Variants in ST3GAL1 observed in about 807,000 individuals in gnomAD.
ST3GAL1 encodes the protein ST3 beta-galactoside alpha-2,3-sialyltransferase 1.
In ST3GAL1, 16 loss-of-function variants were observed where a neutral mutation model predicts 34.1. The observed-to-expected ratio is 0.47, with a 90% CI of 0.32 to 0.71. The LOEUF (loss-of-function observed/expected upper bound fraction) is 0.71, where lower values mean the gene tolerates loss of function less well. ST3GAL1 is among the 30% of genes least tolerant of loss of function. The pLI is 0.04. For missense variants in ST3GAL1, 353 were observed against 447.4 expected, an observed-to-expected ratio of 0.79 and a Z score of 1.90; for synonymous variants, 191 against 184.7, an observed-to-expected ratio of 1.03 and a Z score of -0.28.
chr8:133,520,042 G>A (rs561967657), intron 2 of ST3GAL1, among the ~76,000 whole-genome samples: 2 of 152,310 alleles, frequency 1.3e-5, no homozygotes, highest in East Asian at 3.9e-4. Context: ...CCTCTGTGCA[G>A]GTCTTTACAA....
intron 2 of ST3GAL1, among the ~76,000 whole-genome samples, chr8:133,533,119 T>A (rs1586647832): frequency 1.3e-5 from 2 of 152,150 alleles, no homozygotes; most frequent in Non-Finnish European, 2.9e-5. Context: ...TGGATTTCCA[T>A]GGAATGTGGG....
chr8:133,531,891 T>A (rs1563730024), intron 2 of ST3GAL1, among the ~76,000 whole-genome samples: 1 of 150,080 alleles, frequency 6.7e-6, no homozygotes, highest in Non-Finnish European at 1.5e-5. Flanking sequence ...TTCAGGGATC[T>A]CTGAGTCATT....
rs193134205 is a variant in ST3GAL1 at position 133,486,531 on chromosome 8, C to T, written c.-373-9931G>A. ...GATCAGCCGTGAGGGGAGCCAGACC[C>T]GTTTCCCTCCAGAAAACATCATCCA... On this transcript the variant is annotated intron_variant, in intron 3 of 9. Coordinates refer to ENST00000522652, the MANE Select transcript of ST3GAL1 (RefSeq NM_173344.3). Among the ~76,000 whole-genome samples, 158 of 152,366 alleles carry T rather than the reference C, an allele frequency of 1.0e-3. 1 individual carries two copies. The highest frequency in any genetic ancestry group is 3.5e-3 in the African/African-American group (147 of 41,586).
intron 1 of ST3GAL1, among the ~76,000 whole-genome samples, chr8:133,551,594 GAAAGA>G (rs1563739141): frequency 6.7e-6 from 1 of 150,334 alleles, no homozygotes; most frequent in African/African-American, 2.5e-5. Context: ...AAGAAAGAAA[GAAAGA>G]AAGAAAGAAA....
rs1819543152 is a variant in ST3GAL1 at position 133,570,721 on chromosome 8, G to T, written c.-582+972C>A. 6.6e-6 allele frequency among the ~76,000 whole-genome samples: 1 copy of T among 152,124 alleles called. No homozygotes were observed. Among genetic ancestry groups the T allele is most frequent in the South Asian group, 2.1e-4 (1 of 4,824 alleles). On this transcript the variant is annotated intron_variant, in intron 1 of 9. Coordinates refer to ENST00000522652, the MANE Select transcript of ST3GAL1 (RefSeq NM_173344.3). The surrounding 1 kb of genome is among the most constrained non-coding windows in gnomAD (Gnocchi z 5.6). ...CGCTTAAACACTCGCGCAGAGAAAG[G>T]AGGAGCGGAAAGTTGCGCCACCGTC...
At chr8:133,510,386 A>G (rs574333459) in intron 2 of ST3GAL1, among the ~76,000 whole-genome samples, 1 of 152,316 alleles carries the variant, frequency 6.6e-6, no homozygotes, top group South Asian at 2.1e-4. Flanking sequence ...AAGCTTGGTG[A>G]ATACCTGCTG....
chr8:133,514,600 G>T (rs1251604122), intron 2 of ST3GAL1, among the ~76,000 whole-genome samples: 4 of 152,096 alleles, frequency 2.6e-5, no homozygotes, highest in Non-Finnish European at 5.9e-5. Flanking sequence ...TGCACAGGCT[G>T]CCCTCCCACG....
rs57891081 is a variant in ST3GAL1, at chr8:133,540,728, CATATAT to C, written c.-429+5040_-429+5045del. Reference sequence around the variant, plus strand: ...ATATACAGACATATATATATATAGACATATATATATATATAGACATATATATATATA... The same window carrying C: ...ATATACAGACATATATATATATAGACATATATATAGACATATATATATATA... On this transcript the variant is annotated intron_variant, in intron 2 of 9. Transcript: ENST00000522652. 1.4e-4 allele frequency among the ~76,000 whole-genome samples: 12 copies of C among 88,664 alleles called. No individual in the cohort carries two copies. The East Asian group carries it at 1.5e-3, about 11-fold the overall frequency. The allele number at this position is 88,664 out of a possible 152,430, so 58.2% of individuals were successfully genotyped here.
chr8:133,537,066 C>T (rs1324728894), intron 2 of ST3GAL1, among the ~76,000 whole-genome samples: 1 of 152,148 alleles, frequency 6.6e-6, no homozygotes, highest in Non-Finnish European at 1.5e-5. Context: ...CAAACACAAG[C>T]CTCAAGTCCG....
intron 1 of ST3GAL1, among the ~76,000 whole-genome samples, chr8:133,566,028 C>G (rs1819388237): frequency 6.6e-6 from 1 of 152,260 alleles, no homozygotes; most frequent in South Asian, 2.1e-4. Context: ...GCCAGCCAGG[C>G]CACATAGGAA....
At chr8:133,564,553 C>CACACACACACAG (rs1232550194) in intron 1 of ST3GAL1, among the ~76,000 whole-genome samples, 1 of 151,490 alleles carries the variant, frequency 6.6e-6, no homozygotes, top group African/African-American at 2.4e-5. Context: ...CACACACACA[C>CACACACACACAG]AGAGTCAGAA....
Position 133,461,228 on chromosome 8 carries a change from A to G in ST3GAL1, c.849+647T>C, listed in dbSNP as rs534651545. Among the ~76,000 whole-genome samples the G allele has an allele frequency of 5.0e-4, 76 of 152,254 alleles. No homozygotes were observed. Among genetic ancestry groups the G allele is most frequent in the African/African-American group, 1.8e-3 (74 of 41,532 alleles). On this transcript the variant is annotated intron_variant, in intron 9 of 9. Transcript: ENST00000522652. This position sits in a 1 kb window ranked among gnomAD's most constrained non-coding sequence, Gnocchi z 4.7. ...GGGCTGGGGCTGGGCTGAATGAGACAAGAAGGGACACGTGAGGGCCCTGCC... is the reference window on the plus strand; with the variant it reads ...GGGCTGGGGCTGGGCTGAATGAGACGAGAAGGGACACGTGAGGGCCCTGCC...
intron 2 of ST3GAL1, among the ~76,000 whole-genome samples, chr8:133,527,319 C>T (rs1818006685): frequency 6.6e-6 from 1 of 152,136 alleles, no homozygotes; most frequent in African/African-American, 2.4e-5. Context: ...GCCATGTGGT[C>T]TGGGGCCAAT....
rs1052898595 is a variant in ST3GAL1, at chr8:133,459,618, C to T, written c.*146G>A. ...GACCTTGCTGAGTAGATGCTGCCAA[C>T]GGCTGGGTGCAAGAGGCTGTGAGCG... On this transcript the variant is annotated 3_prime_UTR_variant, in exon 10 of 10. Coordinates refer to ENST00000522652, the MANE Select transcript of ST3GAL1 (RefSeq NM_173344.3). The surrounding 1 kb of genome is among the most constrained non-coding windows in gnomAD (Gnocchi z 4.7). The T allele has an allele frequency of 3.8e-5, 39 of 1,026,210 alleles. No individual in the cohort carries two copies. Among genetic ancestry groups the T allele is most frequent in the Admixed American group, 1.5e-4 (5 of 33,512 alleles). The allele number at this position is 1,026,210 out of a possible 1,614,324, so 63.6% of individuals were successfully genotyped here.
At chr8:133,560,234 G>A (rs917657979) in intron 1 of ST3GAL1, among the ~76,000 whole-genome samples, 3 of 118,292 alleles carry the variant, frequency 2.5e-5, no homozygotes, top group African/African-American at 8.0e-5. Flanking sequence ...CCATAAATAT[G>A]TACAATTACT....
At position 133,487,921 on chromosome 8, in the gene ST3GAL1, T is replaced by TGG. The variant is rs1282358929; in HGVS notation, c.-374+11213_-374+11214insCC. On this transcript the variant is annotated intron_variant, in intron 3 of 9. Transcript: ENST00000522652. Reference sequence around the variant, plus strand: ...AGGCAGAGGTTGCAGTGAGCCGAGATTGCACCACTGCATTCTAGCCTGGGC... The same window carrying TGG: ...AGGCAGAGGTTGCAGTGAGCCGAGATGGTGCACCACTGCATTCTAGCCTGGGC... 9.9e-5 allele frequency among the ~76,000 whole-genome samples: 15 copies of TGG among 151,354 alleles called. No homozygotes were observed. The South Asian group carries it at 1.7e-3, about 17-fold the overall frequency.
At position 133,556,361 on chromosome 8, in the gene ST3GAL1, C is replaced by A. The variant is rs754643864; in HGVS notation, c.-581-10435G>T. 5.3e-5 allele frequency among the ~76,000 whole-genome samples: 8 copies of A among 152,196 alleles called. No homozygotes were observed. Among genetic ancestry groups the A allele is most frequent in the Non-Finnish European group, 1.0e-4 (7 of 68,044 alleles). On this transcript the variant is annotated intron_variant, in intron 1 of 9. Transcript: ENST00000522652. This position sits in a 1 kb window ranked among gnomAD's most constrained non-coding sequence, Gnocchi z 8.9. ...TCCAGAGCCTGTCTTCTCCCCCTGGCCTTGGCCTCCTGGACAGGAGACAAC... is the reference window on the plus strand; with the variant it reads ...TCCAGAGCCTGTCTTCTCCCCCTGGACTTGGCCTCCTGGACAGGAGACAAC...
chr8:133,518,373 G>A (rs1817705696), intron 2 of ST3GAL1, among the ~76,000 whole-genome samples: 1 of 152,160 alleles, frequency 6.6e-6, no homozygotes, highest in Non-Finnish European at 1.5e-5. Flanking sequence ...GCAGCCTCCT[G>A]TAATTACCTG....
chr8:133,530,068 C>A (rs895430324), intron 2 of ST3GAL1, among the ~76,000 whole-genome samples: 4 of 152,142 alleles, frequency 2.6e-5, no homozygotes, highest in East Asian at 1.9e-4. Context: ...GGAAGTGTCC[C>A]CAGGGCTCTG....
Sources: allele counts gnomAD v4.1 joint callset (sites outside exome capture counted in the v4.1 genomes callset), GRCh38; gene constraint gnomAD v4.1.1; non-coding constraint Gnocchi (gnomAD v3.1); transcripts MANE v1.5; gene names NCBI Gene and HGNC (gene_info 2026-07-23, HGNC 2026-07-21).